Variants in MTMR3 observed in about 807,000 individuals in gnomAD.
MTMR3 encodes the protein myotubularin related protein 3, also known as phosphatidylinositol-3,5-bisphosphate 3-phosphatase MTMR3.
Under a neutral mutation model 132.4 loss-of-function variants are expected in MTMR3, and 32 were observed. The observed-to-expected ratio is 0.24, with a 90% CI of 0.18 to 0.32. The LOEUF (loss-of-function observed/expected upper bound fraction) is 0.32. MTMR3 is among the 10% of genes least tolerant of loss of function. The pLI, the probability that MTMR3 is intolerant of heterozygous loss-of-function variation, is 1.00. For synonymous variants in MTMR3, 556 were observed against 550.3 expected (o/e 1.01, Z -0.14); for missense variants, 1,216 against 1,489.6 (o/e 0.82, Z 3.02).
intron 5 of MTMR3, chr22:29,987,134 C>T (rs1215303750): frequency 6.6e-6 from 1 of 152,190 alleles, no homozygotes; most frequent in Non-Finnish European, 1.5e-5. Flanking sequence ...GACTTTAGTC[C>T]TAAGGTAGAA....
intron 2 of MTMR3, among the ~76,000 whole-genome samples, chr22:29,962,506 C>A (rs1307090741): frequency 4.6e-5 from 7 of 151,944 alleles, no homozygotes; most frequent in African/African-American, 1.7e-4. Context: ...CCCCTTTTCC[C>A]CCCACAAAAA....
intron 1 of MTMR3, among the ~76,000 whole-genome samples, chr22:29,955,924 G>A (rs1363114134): frequency 6.6e-6 from 1 of 152,050 alleles, no homozygotes; most frequent in African/African-American, 2.4e-5. Context: ...GCTAATTTTT[G>A]TATTTTTAGT....
At chr22:29,961,093 A>C (rs2066302125) in intron 2 of MTMR3, among the ~76,000 whole-genome samples, 1 of 152,170 alleles carries the variant, frequency 6.6e-6, no homozygotes, top group Non-Finnish European at 1.5e-5. Flanking sequence ...GAACATTGAA[A>C]ACTTATGGCA....
intron 14 of MTMR3, chr22:30,014,325 T>G (rs1409591885): frequency 6.6e-6 from 1 of 152,246 alleles, no homozygotes; most frequent in East Asian, 1.9e-4. Context: ...TTCATCTCTT[T>G]GATCCATCAT....
At chr22:29,922,627 A>G (rs2065439056) in intron 1 of MTMR3, among the ~76,000 whole-genome samples, 1 of 152,172 alleles carries the variant, frequency 6.6e-6, no homozygotes. Flanking sequence ...ATCTGTGTAT[A>G]TCTGTATATC....
chr22:30,014,133 T>C (rs1266937090), intron 14 of MTMR3: 1 of 152,456 alleles, frequency 6.6e-6, no homozygotes, highest in Admixed American at 6.5e-5. Flanking sequence ...ATCATCCTAT[T>C]GCTCTTGTTC....
intron 1 of MTMR3, among the ~76,000 whole-genome samples, chr22:29,949,143 ACCCCCCCCCC>A (rs1159749194): frequency 6.1e-4 from 9 of 14,680 alleles, no homozygotes; most frequent in Non-Finnish European, 7.8e-4. Flanking sequence ...ACACACACAC[ACCCCCCCCCC>A]CCCCCCCGAG....
chr22:29,983,338 C>T (rs1426582004), intron 5 of MTMR3: 1 of 152,038 alleles, frequency 6.6e-6, no homozygotes, highest in Non-Finnish European at 1.5e-5. Context: ...TTTTTGGAGA[C>T]GGAGTTTCAC....
In MTMR3 at chr22:30,008,098, A is replaced by G. The variant is rs1261917793; in HGVS notation, c.1009+66A>G. 1.7e-5 allele frequency: 27 copies of G among 1,574,632 alleles called. No individual in the cohort carries two copies. In the South Asian group the frequency reaches 2.7e-4, roughly 16 times the overall value. ...TGAGTGTAGCCCTTGCCCAACTGAG[A>G]CTTAGTTCCCAATTTGAAATAAGTG... is the stretch of plus-strand genomic sequence containing the variant. On this transcript the variant is annotated intron_variant, in intron 11 of 19. Transcript: ENST00000401950.
intron 1 of MTMR3, among the ~76,000 whole-genome samples, chr22:29,902,406 G>GTTTT (rs534691732): frequency 7.8e-4 from 105 of 134,474 alleles, no homozygotes; most frequent in African/African-American, 2.7e-3. Context: ...GGTTATGAAA[G>GTTTT]TTTTTTTTTT....
chr22:29,954,295 G>A (rs1388314378), intron 1 of MTMR3, among the ~76,000 whole-genome samples: 1 of 151,606 alleles, frequency 6.6e-6, no homozygotes, highest in Admixed American at 6.6e-5. Context: ...TAGAGATGGG[G>A]GTATTTCTTT....
rs1373058120 is a variant in MTMR3, at chr22:30,027,719, C to G, written c.*1918C>G. The G allele has an allele frequency of 2.0e-5, 3 of 152,716 alleles. No individual in the cohort carries two copies. Among genetic ancestry groups the G allele is most frequent in the East Asian group, 1.9e-4 (1 of 5,336 alleles). The allele number at this position is 152,716 out of a possible 1,614,324, so 9.5% of individuals were successfully genotyped here. A position where few individuals can be genotyped will look rare whatever the true frequency, so the allele number is the denominator to read the frequency against. On this transcript the variant is annotated 3_prime_UTR_variant, in exon 20 of 20. Transcript: ENST00000401950. The stretch of plus-strand genomic sequence containing the variant: ...AAGGAGGAACCGTAACTCTCCATAG[C>G]TGTACATATAACCCTTTTCTCCTAA...
intron 1 of MTMR3, among the ~76,000 whole-genome samples, chr22:29,895,302 CATT>C (rs1212208706): frequency 6.6e-6 from 1 of 151,558 alleles, no homozygotes; most frequent in African/African-American, 2.4e-5. Flanking sequence ...AATTTTAAAT[CATT>C]GTAACTAGGC....
intron 2 of MTMR3, 82 bp from the exon 3 acceptor site, chr22:29,970,894 C>T (rs1424541928): frequency 8.1e-6 from 5 of 614,670 alleles, no homozygotes; most frequent in South Asian, 2.4e-5. Context: ...AGGATATGGC[C>T]GATTAGGGGA....
intron 1 of MTMR3, among the ~76,000 whole-genome samples, chr22:29,895,564 C>T (rs887852256): frequency 6.6e-6 from 1 of 152,124 alleles, no homozygotes; most frequent in East Asian, 1.9e-4. Context: ...GGCAAAACTT[C>T]GTAGCCCAAT....
chr22:29,934,210 C>T (rs143144682), intron 1 of MTMR3, among the ~76,000 whole-genome samples: 3 of 152,108 alleles, frequency 2.0e-5, no homozygotes, highest in African/African-American at 7.2e-5. Context: ...AAAAATTAGT[C>T]GGGCATTGTG....
intron 12 of MTMR3, chr22:30,010,848 G>A (rs777098363): frequency 1.3e-5 from 2 of 152,154 alleles, no homozygotes; most frequent in Non-Finnish European, 2.9e-5. Context: ...TCAGGTACCT[G>A]CTAGGAGATA....
chr22:29,952,564 C>T (rs1267122824), intron 1 of MTMR3, among the ~76,000 whole-genome samples: 1 of 152,104 alleles, frequency 6.6e-6, no homozygotes, highest in African/African-American at 2.4e-5. Flanking sequence ...GATATCACAC[C>T]TGACCCTGGA....
intron 8 of MTMR3, chr22:30,001,718 G>A (rs1170467565): frequency 6.6e-6 from 1 of 152,210 alleles, no homozygotes; most frequent in Non-Finnish European, 1.5e-5. Context: ...TAAAGGGAAT[G>A]AGATTCATGG....
Sources: gnomAD v4.1 joint callset for allele counts (sites outside exome capture counted in the v4.1 genomes callset) on GRCh38, gnomAD v4.1.1 for gene constraint, MANE v1.5 for transcripts, NCBI Gene and HGNC (gene_info 2026-07-23, HGNC 2026-07-21) for gene names.